Variants in KCNIP4 observed in about 807,000 individuals in gnomAD.
KCNIP4 encodes the protein potassium voltage-gated channel interacting protein 4.
A neutral mutation model predicts 34.0 loss-of-function variants in KCNIP4; 12 were observed. The observed-to-expected ratio is 0.35, with a 90% CI of 0.23 to 0.57. The LOEUF (loss-of-function observed/expected upper bound fraction) is 0.57. Among genes scored for constraint, KCNIP4 ranks in the 20% least tolerant of loss-of-function variants. The pLI, the probability that KCNIP4 is intolerant of heterozygous loss-of-function variation, is 0.83. For synonymous variants in KCNIP4, 124 were observed against 102.2 expected (o/e 1.21, Z -1.29); for missense variants, 238 against 311.7 (o/e 0.76, Z 1.78).
intron 1 of KCNIP4, among the ~76,000 whole-genome samples, chr4:21,539,312 T>A (rs904591644): frequency 6.6e-6 from 1 of 152,132 alleles, no homozygotes; most frequent in Non-Finnish European, 1.5e-5. Flanking sequence ...ACCCTTTCCA[T>A]CACCTCAGCT....
At chr4:20,882,807 A>G in intron 1 of KCNIP4, 98 bp from the exon 2 acceptor site, 1 of 877,768 alleles carries the variant, frequency 1.1e-6, no homozygotes, top group East Asian at 2.6e-5. Flanking sequence ...AGGATCAGGG[A>G]CGCAGCCATC....
chr4:21,010,884 T>C (rs1739004048), intron 1 of KCNIP4, among the ~76,000 whole-genome samples: 1 of 152,202 alleles, frequency 6.6e-6, no homozygotes. Context: ...TTGAAATTCA[T>C]ACTAATTGAT....
chr4:21,592,998 T>C (rs1177298494), intron 1 of KCNIP4, among the ~76,000 whole-genome samples: 2 of 152,168 alleles, frequency 1.3e-5, no homozygotes, highest in East Asian at 1.9e-4. Context: ...AATTGCAATA[T>C]TACAATTTGC....
intron 1 of KCNIP4, among the ~76,000 whole-genome samples, chr4:21,500,268 G>C (rs16871245): frequency 0.019 from 2,967 of 152,170 alleles, 96 homozygotes; most frequent in East Asian, 0.12. Context: ...GAAACCAAGA[G>C]ACAATTTCAC....
intron 1 of KCNIP4, among the ~76,000 whole-genome samples, chr4:21,092,894 G>A (rs536201049): frequency 2.6e-5 from 4 of 152,210 alleles, no homozygotes; most frequent in Non-Finnish European, 5.9e-5. Context: ...GGACCAACAT[G>A]ATCTGAAAGC....
chr4:21,346,182 A>ATT (rs1406677161), intron 1 of KCNIP4, among the ~76,000 whole-genome samples: 1 of 98,856 alleles, frequency 1.0e-5, no homozygotes, highest in African/African-American at 3.7e-5. Context: ...TGTAATATAT[A>ATT]TTATATATAT....
intron 1 of KCNIP4, among the ~76,000 whole-genome samples, chr4:21,929,615 C>A (rs1040881558): frequency 2.4e-4 from 37 of 152,078 alleles, no homozygotes; most frequent in African/African-American, 8.7e-4. Context: ...ACAAAATGAA[C>A]CCGCCAGTAG....
intron 2 of KCNIP4, among the ~76,000 whole-genome samples, chr4:20,877,345 G>A (rs188024436): frequency 6.6e-6 from 1 of 152,138 alleles, no homozygotes; most frequent in South Asian, 2.1e-4. Context: ...TAAACCCTGC[G>A]CATACCTTTG....
At chr4:21,276,496 C>T (rs954238352) in intron 1 of KCNIP4, among the ~76,000 whole-genome samples, 36 of 152,014 alleles carry the variant, frequency 2.4e-4, no homozygotes, top group African/African-American at 8.5e-4. Context: ...TGAGCCACCG[C>T]ACCCAGTCTT....
chr4:21,020,335 A>G (rs571509998), intron 1 of KCNIP4, among the ~76,000 whole-genome samples: 1 of 152,272 alleles, frequency 6.6e-6, no homozygotes, highest in East Asian at 1.9e-4. Flanking sequence ...AATTCCTCCT[A>G]CAATCATCTA....
intron 1 of KCNIP4, among the ~76,000 whole-genome samples, chr4:21,402,174 T>C (rs1188948833): frequency 6.6e-6 from 1 of 152,224 alleles, no homozygotes; most frequent in East Asian, 1.9e-4. Flanking sequence ...ATTTGTCTTC[T>C]TCAAATTCAC....
chr4:21,539,395 A>G (rs2108994748), intron 1 of KCNIP4, among the ~76,000 whole-genome samples: 1 of 152,290 alleles, frequency 6.6e-6, no homozygotes, highest in East Asian at 1.9e-4. Context: ...TAACCAACAG[A>G]AAGTGCCAAA....
At chr4:20,745,111 C>A (rs2149320758) in intron 5 of KCNIP4, among the ~76,000 whole-genome samples, 1 of 152,262 alleles carries the variant, frequency 6.6e-6, no homozygotes, top group East Asian at 1.9e-4. Flanking sequence ...ATCATGGAGC[C>A]AAGGAGCTTT....
chr4:21,236,475 C>T (rs1205946248), intron 1 of KCNIP4, among the ~76,000 whole-genome samples: 1 of 152,116 alleles, frequency 6.6e-6, no homozygotes, highest in Non-Finnish European at 1.5e-5. Context: ...TTGAGTGACT[C>T]CACTGATTTT....
intron 1 of KCNIP4, among the ~76,000 whole-genome samples, chr4:20,929,261 C>T (rs536617566): frequency 1.2e-4 from 19 of 152,074 alleles, no homozygotes; most frequent in African/African-American, 4.6e-4. Flanking sequence ...ATCACATTAA[C>T]AGGATGAAAG....
chr4:21,845,650 C>A (rs1198087844), intron 1 of KCNIP4: 1 of 151,988 alleles, frequency 6.6e-6, no homozygotes, highest in African/African-American at 2.4e-5. Context: ...CTTTTCCGAG[C>A]ACCTTATATC....
chr4:20,818,772 A>T (rs1049968570), intron 3 of KCNIP4, among the ~76,000 whole-genome samples: 1 of 152,150 alleles, frequency 6.6e-6, no homozygotes, highest in Non-Finnish European at 1.5e-5. Flanking sequence ...TCAAAATAAG[A>T]TTCAGAATTA....
intron 1 of KCNIP4, among the ~76,000 whole-genome samples, chr4:20,906,658 A>G (rs1432764792): frequency 1.3e-5 from 2 of 152,136 alleles, no homozygotes; most frequent in Non-Finnish European, 2.9e-5. Context: ...ACAAAGGGCT[A>G]TTTTTCACCT....
At chr4:21,818,364 G>A (rs909420462) in intron 1 of KCNIP4, among the ~76,000 whole-genome samples, 4 of 152,148 alleles carry the variant, frequency 2.6e-5, no homozygotes, top group African/African-American at 7.2e-5. Flanking sequence ...TTATATTGTA[G>A]AGATGCATGT....
Sources: gnomAD v4.1 joint callset for allele counts (sites outside exome capture counted in the v4.1 genomes callset) on GRCh38, gnomAD v4.1.1 for gene constraint, MANE v1.5 for transcripts, NCBI Gene and HGNC (gene_info 2026-07-23, HGNC 2026-07-21) for gene names.